Variants in HMG20A observed in about 807,000 individuals in gnomAD.
HMG20A encodes high mobility group 20A.
A neutral mutation model predicts 43.9 loss-of-function variants in HMG20A; 17 were observed. That is an observed-to-expected ratio of 0.39 (90% CI 0.27 to 0.58). The LOEUF (loss-of-function observed/expected upper bound fraction) is 0.58. HMG20A is among the 20% of genes least tolerant of loss of function. The pLI is 0.59. For missense variants in HMG20A, 341 were observed against 438.2 expected, an observed-to-expected ratio of 0.78 and a Z score of 1.98; for synonymous variants, 132 against 147.5, an observed-to-expected ratio of 0.89 and a Z score of 0.76.
chr15:77,437,462 G>C (rs2073561543), intron 1 of HMG20A, among the ~76,000 whole-genome samples: 1 of 152,162 alleles, frequency 6.6e-6, no homozygotes, highest in Non-Finnish European at 1.5e-5. Context: ...TGATGTTTTT[G>C]AAGTTTTTGA....
chr15:77,510,781 T>TG, the HMG20A span, among the ~76,000 whole-genome samples: 1 of 152,216 alleles, frequency 6.6e-6, no homozygotes. Context: ...AGCCAGGGGC[T>TG]GGCCCAGGAA....
chr15:77,429,323 C>T (rs1015581423), intron 1 of HMG20A, among the ~76,000 whole-genome samples: 1 of 152,082 alleles, frequency 6.6e-6, no homozygotes. Context: ...TCCCAAGTAG[C>T]TGGGATTACT....
chr15:77,476,783 C>T (rs892575730), intron 6 of HMG20A, among the ~76,000 whole-genome samples: 2 of 152,094 alleles, frequency 1.3e-5, no homozygotes, highest in Non-Finnish European at 2.9e-5. Flanking sequence ...GCCAAAGCAT[C>T]TTGAGTTATT....
chr15:77,480,716 A>T (rs1271620304), intron 9 of HMG20A, among the ~76,000 whole-genome samples: 3 of 144,612 alleles, frequency 2.1e-5, no homozygotes, highest in African/African-American at 7.6e-5. Flanking sequence ...AGTAGTATGT[A>T]TCCTTTTTTT....
intron 9 of HMG20A, among the ~76,000 whole-genome samples, chr15:77,480,914 G>A (rs1357583571): frequency 6.6e-6 from 1 of 152,040 alleles, no homozygotes; most frequent in Non-Finnish European, 1.5e-5. Context: ...TATAAACTGT[G>A]TGGAAATTTT....
chr15:77,495,983 C>A, the HMG20A span, among the ~76,000 whole-genome samples: 1 of 152,208 alleles, frequency 6.6e-6, no homozygotes, highest in Non-Finnish European at 1.5e-5. Flanking sequence ...TCCTGCCCCA[C>A]TGGCTGCTTC....
chr15:77,452,746 A>G (rs1350969073), intron 1 of HMG20A, among the ~76,000 whole-genome samples: 4 of 152,214 alleles, frequency 2.6e-5, no homozygotes, highest in Non-Finnish European at 4.4e-5. Flanking sequence ...GAAAAAAAAA[A>G]GATAATTTGT....
the HMG20A span, among the ~76,000 whole-genome samples, chr15:77,501,979 C>T: frequency 7.4e-4 from 112 of 152,266 alleles, 1 homozygote; most frequent in Non-Finnish European, 9.6e-4. Context: ...GCTTTCATCT[C>T]GCCCCTAGAT....
the HMG20A span, among the ~76,000 whole-genome samples, chr15:77,515,308 G>A: frequency 2.6e-4 from 39 of 152,168 alleles, no homozygotes; most frequent in Admixed American, 2.5e-3. Context: ...TAGGATAAAC[G>A]CCCAGCAGTA....
At chr15:77,449,529 T>C (rs1188839041) in intron 1 of HMG20A, among the ~76,000 whole-genome samples, 1 of 152,204 alleles carries the variant, frequency 6.6e-6, no homozygotes, top group African/African-American at 2.4e-5. Context: ...TTAAATTGTA[T>C]GCATATCAAA....
intron 6 of HMG20A, among the ~76,000 whole-genome samples, chr15:77,474,840 G>A (rs144798319): frequency 6.6e-6 from 1 of 152,056 alleles, no homozygotes; most frequent in Non-Finnish European, 1.5e-5. Flanking sequence ...TGAAATTCTG[G>A]CCCTGAGCCT....
At chr15:77,436,893 A>G (rs1441862843) in intron 1 of HMG20A, among the ~76,000 whole-genome samples, 1 of 152,186 alleles carries the variant, frequency 6.6e-6, no homozygotes, top group Non-Finnish European at 1.5e-5. Context: ...TACTTTGGGG[A>G]AAACCCGGAT....
rs2307142 is a variant in HMG20A, at chr15:77,467,367, T to C, written c.450+60T>C. The C allele has an allele frequency of 3.4e-5, 48 of 1,420,276 alleles. No homozygotes were observed. In the East Asian group the frequency reaches 6.3e-4, roughly 18 times the overall value. 88.0% of individuals were successfully genotyped at this position (1,420,276 alleles called of 1,614,324 possible). A position where few individuals can be genotyped will look rare whatever the true frequency, so the allele number is the denominator to read the frequency against. On this transcript the variant is annotated intron_variant, in intron 4 of 9. Transcript: ENST00000336216. ...TTGATTATATCTCAGAAATAACTTA[T>C]ATAAGAAAAGCAAAGAGGATGGACA...
the HMG20A span, among the ~76,000 whole-genome samples, chr15:77,506,308 C>A: frequency 0.077 from 11,707 of 152,128 alleles, 566 homozygotes; most frequent in Non-Finnish European, 0.11. Context: ...CGGGGCCTCG[C>A]ATTAGGATCA....
chr15:77,486,092 C>T (rs1393192024), downstream of HMG20A, among the ~76,000 whole-genome samples: 1 of 152,198 alleles, frequency 6.6e-6, no homozygotes. Context: ...TTTGAGAAGT[C>T]AGCTCTTTTA....
rs1203559432 is a variant in HMG20A at position 77,465,037 on chromosome 15, A to C, written c.237+650A>C. ...CACTTTGGGATGCCAAGGCAGGTGG[A>C]TTACCTGAGGTCAGGAGTTCAAGAC... On this transcript the variant is annotated intron_variant, in intron 3 of 9. Coordinates refer to ENST00000336216, the MANE Select transcript of HMG20A (RefSeq NM_001304504.2). Among the ~76,000 whole-genome samples the C allele has an allele frequency of 2.0e-5, 3 of 152,106 alleles. No individual in the cohort carries two copies. In the East Asian group the frequency reaches 5.8e-4, roughly 30 times the overall value.
intron 1 of HMG20A, among the ~76,000 whole-genome samples, chr15:77,429,003 G>A (rs1350409043): frequency 6.6e-6 from 1 of 151,418 alleles, no homozygotes; most frequent in Non-Finnish European, 1.5e-5. Context: ...TAGAACATAG[G>A]CCTTTAATCT....
intron 5 of HMG20A, among the ~76,000 whole-genome samples, chr15:77,471,275 C>G (rs1046174376): frequency 6.6e-6 from 1 of 152,122 alleles, no homozygotes; most frequent in African/African-American, 2.4e-5. Context: ...TCCTCCGAGA[C>G]CCCTGTTAGT....
chr15:77,462,772 C>CTTTTT (rs71145836), intron 2 of HMG20A, among the ~76,000 whole-genome samples: 35 of 127,782 alleles, frequency 2.7e-4, no homozygotes, highest in East Asian at 4.4e-4. Flanking sequence ...TTTTCTTTTT[C>CTTTTT]TTTTTTTTTT....
Sources: allele counts gnomAD v4.1 joint callset (sites outside exome capture counted in the v4.1 genomes callset), GRCh38; gene constraint gnomAD v4.1.1; transcripts MANE v1.5; gene names NCBI Gene and HGNC (gene_info 2026-07-23, HGNC 2026-07-21).